Variants in SLC25A48 observed in about 807,000 individuals in gnomAD.
SLC25A48 encodes solute carrier family 25 member 48.
A neutral mutation model predicts 32.2 loss-of-function variants in SLC25A48; 29 were observed. The observed-to-expected ratio is 0.90, with a 90% CI of 0.67 to 1.23. SLC25A48 has a LOEUF of 1.23. Among genes scored for constraint, SLC25A48 ranks in the 50% most tolerant of loss-of-function variants. The probability of loss-of-function intolerance (pLI) is 0.00; values close to 1 mark genes in which losing one functional copy is unlikely to be tolerated. For missense variants in SLC25A48, 399 were observed against 422.7 expected, an observed-to-expected ratio of 0.94 and a Z score of 0.49; for synonymous variants, 164 against 172.3, an observed-to-expected ratio of 0.95 and a Z score of 0.38.
chr5:135,637,786 T>A (rs1752738890), intron 3 of SLC25A48, among the ~76,000 whole-genome samples: 1 of 152,128 alleles, frequency 6.6e-6, no homozygotes. Context: ...GGAAACTAAT[T>A]GGAGACTCTA....
intron 1 of SLC25A48, among the ~76,000 whole-genome samples, chr5:135,611,042 G>A (rs1752052421): frequency 6.6e-6 from 1 of 152,202 alleles, no homozygotes; most frequent in African/African-American, 2.4e-5. Context: ...TGTTCCATGT[G>A]TCTGGAAACA....
intron 4 of SLC25A48, among the ~76,000 whole-genome samples, chr5:135,818,071 CTCTCTCTCT>C (rs1757777084): frequency 3.0e-5 from 1 of 33,716 alleles, no homozygotes; most frequent in Non-Finnish European, 8.2e-5. Flanking sequence ...CTCTCTCTCT[CTCTCTCTCT>C]CTCTCTCTCT....
chr5:135,632,044 G>A (rs1752587271), intron 2 of SLC25A48, among the ~76,000 whole-genome samples: 1 of 152,228 alleles, frequency 6.6e-6, no homozygotes, highest in Admixed American at 6.5e-5. Flanking sequence ...TCCTGAGGAT[G>A]AGGATGAAAG....
chr5:135,598,099 C>T (rs868075243), intron 1 of SLC25A48, among the ~76,000 whole-genome samples: 31 of 152,066 alleles, frequency 2.0e-4, no homozygotes, highest in African/African-American at 7.5e-4. Context: ...AAGAACCAGT[C>T]CAAAAGAACT....
intron 3 of SLC25A48, among the ~76,000 whole-genome samples, chr5:135,727,286 T>TACAC (rs58525226): frequency 0.29 from 44,409 of 151,254 alleles, 6,605 homozygotes; most frequent in East Asian, 0.48. Context: ...TATATGTATG[T>TACAC]ACACACACAC....
chr5:135,834,745 C>A lies in SLC25A48; in HGVS notation c.-103C>A. On this transcript the variant is annotated 5_prime_UTR_variant, in exon 1 of 8. Coordinates refer to ENST00000681962, the MANE Select transcript of SLC25A48 (RefSeq NM_001349336.2). ...AGTAGGACCTGCGGCGTGCTCGAGACTCCGACTTCGGTCTTGCGGCGCGCT... is the reference window on the plus strand; with the variant it reads ...AGTAGGACCTGCGGCGTGCTCGAGAATCCGACTTCGGTCTTGCGGCGCGCT... 7.7e-7 allele frequency: 1 copy of A among 1,294,868 alleles called. No homozygotes were observed. Among genetic ancestry groups the A allele is most frequent in the Non-Finnish European group, 1.1e-6 (1 of 950,934 alleles). The allele number at this position is 1,294,868 out of a possible 1,614,324, so 80.2% of individuals were successfully genotyped here.
intron 2 of SLC25A48, among the ~76,000 whole-genome samples, chr5:135,843,642 T>C (rs909577206): frequency 6.6e-6 from 1 of 152,132 alleles, no homozygotes; most frequent in African/African-American, 2.4e-5. Flanking sequence ...GGCAGCTAAG[T>C]TGAGACTCAG....
At chr5:135,681,685 T>G (rs1340563754) in intron 3 of SLC25A48, among the ~76,000 whole-genome samples, 1 of 152,240 alleles carries the variant, frequency 6.6e-6, no homozygotes, top group Non-Finnish European at 1.5e-5. Flanking sequence ...TTAAATATTC[T>G]TAAGCTTTGC....
chr5:135,670,271 G>A (rs1753623837), intron 3 of SLC25A48, among the ~76,000 whole-genome samples: 1 of 152,186 alleles, frequency 6.6e-6, no homozygotes, highest in African/African-American at 2.4e-5. Context: ...TGACCAGCTA[G>A]CAGGTCAAGC....
chr5:135,631,216 G>T (rs1752561147), intron 2 of SLC25A48, among the ~76,000 whole-genome samples: 1 of 152,186 alleles, frequency 6.6e-6, no homozygotes, highest in African/African-American at 2.4e-5. Context: ...GGTTTGGTTA[G>T]GAGAGTAGAG....
rs201521595 is a variant in SLC25A48 at position 135,880,001 on chromosome 5, C to T, written c.847C>T (p.Arg283Trp). 120 of 1,536,394 alleles carry T rather than the reference C, an allele frequency of 7.8e-5. 2 individuals carry two copies. In the South Asian group the frequency reaches 1.3e-3, roughly 17 times the overall value. Reference protein sequence around the residue: ...FFRGITVNAVRGFPMSAAMFL... With the variant: ...FFRGITVNAVWGFPMSAAMFL... ...CAGAGGCATCACTGTGAACGCGGTGCGGGGCTTCCCCATGAGTGCGGCCAT... is the reference window on the plus strand; with the variant it reads ...CAGAGGCATCACTGTGAACGCGGTGTGGGGCTTCCCCATGAGTGCGGCCAT... Residue 283 changes from arginine (R) to tryptophan (W), a missense_variant, in exon 7 of 8, where the codon CGG becomes TGG. By Grantham distance (101) the Arg-to-Trp change is moderately radical (BLOSUM62 -3). Coordinates refer to ENST00000681962, the MANE Select transcript of SLC25A48 (RefSeq NM_001349336.2).
At chr5:135,882,346 T>G (rs1762534274) in intron 7 of SLC25A48, among the ~76,000 whole-genome samples, 1 of 152,156 alleles carries the variant, frequency 6.6e-6, no homozygotes, top group African/African-American at 2.4e-5. Flanking sequence ...GCTCTGAGAT[T>G]TGGGGAAGCC....
intron 1 of SLC25A48, among the ~76,000 whole-genome samples, chr5:135,584,493 A>T (rs926889080): frequency 6.6e-6 from 1 of 152,264 alleles, no homozygotes; most frequent in Non-Finnish European, 1.5e-5. Context: ...AAATAGCAAC[A>T]TCCAAAGCTG....
chr5:135,807,676 T>C (rs192571133), intron 3 of SLC25A48, among the ~76,000 whole-genome samples: 5 of 150,508 alleles, frequency 3.3e-5, no homozygotes, highest in African/African-American at 1.2e-4. Context: ...TAACACTAGA[T>C]ATTATAAATA....
chr5:135,712,266 T>C (rs935113536), intron 3 of SLC25A48, among the ~76,000 whole-genome samples: 1 of 152,182 alleles, frequency 6.6e-6, no homozygotes, highest in African/African-American at 2.4e-5. Flanking sequence ...GGCTTTATTT[T>C]TGGAGCAAAG....
intron 3 of SLC25A48, among the ~76,000 whole-genome samples, chr5:135,676,277 G>A (rs558354704): frequency 6.6e-6 from 1 of 151,830 alleles, no homozygotes; most frequent in East Asian, 1.9e-4. Context: ...GTGTATAGTT[G>A]CTTTAATAGT....
intron 3 of SLC25A48, among the ~76,000 whole-genome samples, chr5:135,795,664 A>T (rs992308291): frequency 6.6e-6 from 1 of 151,750 alleles, no homozygotes; most frequent in African/African-American, 2.4e-5. Flanking sequence ...GGTTCATAAT[A>T]TTCAGGGGGG....
chr5:135,811,317 C>T (rs1198926396), intron 3 of SLC25A48, among the ~76,000 whole-genome samples: 3 of 152,040 alleles, frequency 2.0e-5, no homozygotes, highest in Admixed American at 6.6e-5. Context: ...TAAGTCAGGC[C>T]CAGAAAGACA....
intron 3 of SLC25A48, among the ~76,000 whole-genome samples, chr5:135,747,349 A>AT (rs926930740): frequency 2.2e-5 from 3 of 134,788 alleles, no homozygotes; most frequent in African/African-American, 2.8e-5. Flanking sequence ...GGATTCCTGG[A>AT]TTTTTTTTTA....
Sources: allele counts gnomAD v4.1 joint callset (sites outside exome capture counted in the v4.1 genomes callset), GRCh38; gene constraint gnomAD v4.1.1; transcripts MANE v1.5; gene names NCBI Gene and HGNC (gene_info 2026-07-23, HGNC 2026-07-21).